Variants in PTPRS observed in about 807,000 individuals in gnomAD.
PTPRS encodes receptor-type tyrosine-protein phosphatase S.
In PTPRS, 63 loss-of-function variants were observed where a neutral mutation model predicts 215.3. The ratio of observed to expected loss-of-function variants is 0.29; its 90% confidence interval spans 0.24 to 0.36. The LOEUF (loss-of-function observed/expected upper bound fraction) is 0.36. Ranked by LOEUF, PTPRS falls within the 10% of genes least tolerant of loss-of-function variation. The pLI, the probability that PTPRS is intolerant of heterozygous loss-of-function variation, is 1.00. For missense variants in PTPRS, 2,258 were observed against 2,825.8 expected, an observed-to-expected ratio of 0.80 and a Z score of 4.56; for synonymous variants, 1,404 against 1,191.4, an observed-to-expected ratio of 1.18 and a Z score of -3.68.
intron 1 of PTPRS, among the ~76,000 whole-genome samples, chr19:5,302,931 G>A (rs1334583370): frequency 1.3e-5 from 2 of 151,282 alleles, no homozygotes; most frequent in African/African-American, 4.9e-5. Context: ...TTAGCCAGGT[G>A]TGGTGGCGGG....
At chr19:5,248,397 A>G (rs865920268) in intron 9 of PTPRS, among the ~76,000 whole-genome samples, 14 of 152,176 alleles carry the variant, frequency 9.2e-5, no homozygotes, top group Middle Eastern at 6.8e-3. Context: ...AGAAAAAAAA[A>G]AAAATCATGG....
intron 1 of PTPRS, among the ~76,000 whole-genome samples, chr19:5,326,169 T>C (rs1449643035): frequency 6.6e-6 from 1 of 152,138 alleles, no homozygotes; most frequent in African/African-American, 2.4e-5. Flanking sequence ...AGGTGGGGGT[T>C]GCAGTGAGCC....
At chr19:5,246,570 C>T (rs551242778) in intron 9 of PTPRS, among the ~76,000 whole-genome samples, 13 of 152,256 alleles carry the variant, frequency 8.5e-5, no homozygotes, top group Admixed American at 2.0e-4. Flanking sequence ...TGCCAAGTTT[C>T]GGGATGTGAG....
At chr19:5,268,220 GCA>G in intron 4 of PTPRS, among the ~76,000 whole-genome samples, 1 of 152,072 alleles carries the variant, frequency 6.6e-6, no homozygotes, top group South Asian at 2.1e-4. Context: ...AGTTTTATTG[GCA>G]CACAGCCACG....
Position 5,211,334 on chromosome 19 carries a change from G to A in PTPRS, c.5234+256C>T, listed in dbSNP as rs1219545142. On this transcript the variant is annotated intron_variant, in intron 33 of 37. Transcript: ENST00000262963. Reference sequence around the variant, plus strand: ...CATGAAAATAAGAAATATCCTCAGGGTGTCAGAATTACCCCAATTGAGAAC... The same window carrying A: ...CATGAAAATAAGAAATATCCTCAGGATGTCAGAATTACCCCAATTGAGAAC... 5.9e-5 allele frequency among the ~76,000 whole-genome samples: 9 copies of A among 152,316 alleles called. No homozygotes were observed. In the East Asian group the frequency reaches 1.7e-3, roughly 29 times the overall value.
chr19:5,285,936 C>G lies in PTPRS; in HGVS notation c.91+114G>C, dbSNP rs1034973451. 2.5e-5 allele frequency: 24 copies of G among 966,440 alleles called. No individual in the cohort carries two copies. The South Asian group carries it at 2.5e-4, about 10-fold the overall frequency. The allele number at this position is 966,440 out of a possible 1,614,324, so 59.9% of individuals were successfully genotyped here. On this transcript the variant is annotated intron_variant, in intron 2 of 37. Transcript: ENST00000262963. Reference sequence around the variant, plus strand: ...TGTGGAGCATAAAAGTTCCATTTGGCAAAATGGAGGGCCCCAGGGAGGAGG... The same window carrying G: ...TGTGGAGCATAAAAGTTCCATTTGGGAAAATGGAGGGCCCCAGGGAGGAGG...
At chr19:5,321,747 G>A (rs913521171) in intron 1 of PTPRS, among the ~76,000 whole-genome samples, 6 of 150,230 alleles carry the variant, frequency 4.0e-5, no homozygotes, top group African/African-American at 7.4e-5. Context: ...TTATCCAAGC[G>A]CCAAAATTGT....
intron 30 of PTPRS, among the ~76,000 whole-genome samples, chr19:5,213,251 G>C (rs2041095715): frequency 6.6e-6 from 1 of 152,172 alleles, no homozygotes; most frequent in Admixed American, 6.5e-5. Context: ...GCAGCAGCCA[G>C]AGGGCACCTG....
At chr19:5,298,394 C>T (rs972463091) in intron 1 of PTPRS, among the ~76,000 whole-genome samples, 1 of 152,186 alleles carries the variant, frequency 6.6e-6, no homozygotes, top group Non-Finnish European at 1.5e-5. Context: ...GGGGCAGGAC[C>T]CCCTCCCCCA....
chr19:5,332,733 C>A (rs902949135), intron 1 of PTPRS, among the ~76,000 whole-genome samples: 1 of 152,248 alleles, frequency 6.6e-6, no homozygotes, highest in Non-Finnish European at 1.5e-5. Flanking sequence ...GTTGCTCTCC[C>A]TCTCTGGGCC....
intron 12 of PTPRS, 53 bp from the exon 13 acceptor site, chr19:5,239,116 ACAGAAACAAAGGG>A: frequency 7.1e-7 from 1 of 1,410,450 alleles, no homozygotes; most frequent in Non-Finnish European, 9.8e-7. Context: ...AGAGAGAGAG[ACAGAAACAAAGGG>A]GAGAGAGAGA....
At chr19:5,220,553 G>A (rs1380514125) in intron 20 of PTPRS, among the ~76,000 whole-genome samples, 200 bp from the exon 21 acceptor site, 2 of 152,190 alleles carry the variant, frequency 1.3e-5, no homozygotes, top group South Asian at 2.1e-4. Context: ...TACTTTCTGC[G>A]TAGAAGGCTT....
At chr19:5,318,337 C>CAAA (rs146792031) in intron 1 of PTPRS, among the ~76,000 whole-genome samples, 1 of 117,418 alleles carries the variant, frequency 8.5e-6, no homozygotes. Flanking sequence ...GAGACTGTCT[C>CAAA]AAAAAAAAAA....
intron 35 of PTPRS, among the ~76,000 whole-genome samples, chr19:5,208,934 C>T (rs2040616127): frequency 6.6e-6 from 1 of 152,184 alleles, no homozygotes; most frequent in Non-Finnish European, 1.5e-5. Context: ...CAGCACAACT[C>T]AACTCCATCA....
intron 8 of PTPRS, 57 bp from the exon 9 acceptor site, chr19:5,256,176 A>C: frequency 7.0e-7 from 1 of 1,427,240 alleles, no homozygotes; most frequent in Non-Finnish European, 9.6e-7. Context: ...AGAAGAGAAA[A>C]AATAGGGGAG....
At chr19:5,250,096 A>T (rs2044858965) in intron 9 of PTPRS, among the ~76,000 whole-genome samples, 1 of 152,240 alleles carries the variant, frequency 6.6e-6, no homozygotes. Context: ...ACAATCCCCA[A>T]CATGGCCGGC....
At chr19:5,275,105 C>G (rs1360787974) in intron 2 of PTPRS, among the ~76,000 whole-genome samples, 3 of 150,244 alleles carry the variant, frequency 2.0e-5, no homozygotes, top group Non-Finnish European at 3.0e-5. Flanking sequence ...GTGTCTCACT[C>G]TGTCGCCCAA....
intron 1 of PTPRS, among the ~76,000 whole-genome samples, chr19:5,312,445 AG>A (rs1327716322): frequency 1.3e-5 from 2 of 152,212 alleles, no homozygotes; most frequent in East Asian, 3.9e-4. Flanking sequence ...GGATTGCTTG[AG>A]CCCAGGAGTT....
chr19:5,216,086 C>G (rs2041417042), intron 26 of PTPRS, among the ~76,000 whole-genome samples: 1 of 152,126 alleles, frequency 6.6e-6, no homozygotes, highest in South Asian at 2.1e-4. Context: ...AAATCCGCTT[C>G]CAGGTAGAGG....
Sources: allele counts gnomAD v4.1 joint callset (sites outside exome capture counted in the v4.1 genomes callset), GRCh38; gene constraint gnomAD v4.1.1; transcripts MANE v1.5; gene names NCBI Gene and HGNC (gene_info 2026-07-23, HGNC 2026-07-21).